The following HPD variants were observed in gnomAD, a reference collection of about 807,000 sequenced individuals.
HPD encodes 4-hydroxyphenylpyruvic acid oxidase.
HPD carries 35 observed loss-of-function variants against 56.9 expected under a neutral mutation model. The ratio of observed to expected loss-of-function variants is 0.62; its 90% CI spans 0.47 to 0.82. HPD has a LOEUF of 0.82. Among genes scored for constraint, HPD ranks in the 40% least tolerant of loss-of-function variants. HPD has a pLI of 0.00. For synonymous variants in HPD, 186 were observed against 200.2 expected (o/e 0.93, Z 0.60); for missense variants, 442 against 506.8 (o/e 0.87, Z 1.23).
At chr12:121,885,806 T>C in the HPD span, among the ~76,000 whole-genome samples, 1 of 150,230 alleles carries the variant, frequency 6.7e-6, no homozygotes, top group Admixed American at 6.6e-5. Context: ...CTACTAAAAA[T>C]ACAAAAAAAT....
At position 121,839,566 on chromosome 12, in the gene HPD, A is replaced by AG; in HGVS notation, c.*161dup. ...GCTTTAATCGGGAGGGCTGGAGCAG[A>AG]GGGCGGCCCCGCCGAGGGGCGTGGT... On this transcript the variant is annotated 3_prime_UTR_variant, in exon 14 of 14. Transcript: ENST00000289004. 1.5e-6 allele frequency: 1 copy of AG among 650,822 alleles called. No individual in the cohort carries two copies. Among genetic ancestry groups the AG allele is most frequent in the Non-Finnish European group, 2.8e-6 (1 of 362,238 alleles). 40.3% of individuals were successfully genotyped at this position (650,822 alleles called of 1,614,324 possible).
rs774034049 is a variant in HPD at position 121,849,010 on chromosome 12, G to A, written c.585C>T (p.Ser195=). 1.5e-5 allele frequency: 24 copies of A among 1,613,330 alleles called. No individual in the cohort carries two copies. The highest frequency in any genetic ancestry group is 4.5e-5 in the East Asian group (2 of 44,860). ...VGNQPDQEMV[S]ASEWYLKNLQ... The stretch of plus-strand genomic sequence containing the variant: ...GGCCAAGGTCTCACCATTCGGAGGC[G>A]GACACCATCTCCTGATCAGGCTGGT... The change falls in exon 9 of 14, where the codon TCC becomes TCT. Residue 195 remains serine, a synonymous_variant. Transcript: ENST00000289004.
the HPD span, among the ~76,000 whole-genome samples, chr12:121,872,076 CA>C: frequency 0.41 from 56,317 of 137,634 alleles, 11,497 homozygotes; most frequent in Middle Eastern, 0.46. Context: ...ACTAAAAATA[CA>C]AAAAAAAAAA....
the HPD span, among the ~76,000 whole-genome samples, chr12:121,870,595 GTTTT>G: frequency 3.2e-5 from 4 of 123,284 alleles, no homozygotes; most frequent in South Asian, 2.7e-4. Flanking sequence ...GCTATTGAAG[GTTTT>G]TTTTTTTTTT....
chr12:121,872,237 C>CAA, the HPD span, among the ~76,000 whole-genome samples: 199 of 124,992 alleles, frequency 1.6e-3, no homozygotes, highest in African/African-American at 5.5e-3. Flanking sequence ...AGACTCCTCT[C>CAA]AAAAAAAAAA....
rs1360232475 is a variant in HPD at position 121,847,131 on chromosome 12, A to G, written c.680T>C (p.Ile227Thr). ...GGACTCTTCATAGTTGGCCACCACA[A>G]TGGATCGCAGAGAGCTATATTCCGT... Reference protein sequence around the residue: ...VHTEYSSLRSIVVANYEESIK... With the variant: ...VHTEYSSLRSTVVANYEESIK... Residue 227 changes from isoleucine (I) to threonine (T), a missense_variant, in exon 10 of 14, where the codon ATT becomes ACT. Physicochemically the swap from Ile to Thr is moderately conservative, Grantham distance 89. Coordinates refer to ENST00000289004, the MANE Select transcript of HPD (RefSeq NM_002150.3). 5 of 1,614,134 alleles carry G rather than the reference A, an allele frequency of 3.1e-6. No individual in the cohort carries two copies. The South Asian group carries it at 3.3e-5, about 11-fold the overall frequency.
the HPD span, among the ~76,000 whole-genome samples, chr12:121,872,497 T>C: frequency 6.6e-6 from 1 of 151,924 alleles, no homozygotes; most frequent in Admixed American, 6.6e-5. Flanking sequence ...TCCCAAAGCA[T>C]TGGGATTGCA....
At chr12:121,859,832 T>C (rs2596144), upstream of HPD, among the ~76,000 whole-genome samples, 128,339 of 152,238 alleles carry the variant, frequency 0.84, 54,194 homozygotes, top group Middle Eastern at 0.9. Context: ...CCCAGTGTGC[T>C]CCCAGTGTCC....
intron 12 of HPD, among the ~76,000 whole-genome samples, chr12:121,841,380 A>C (rs559966772): frequency 1.1e-4 from 17 of 152,168 alleles, no homozygotes; most frequent in Non-Finnish European, 2.4e-4. Flanking sequence ...TAAACAAACA[A>C]AAGGGAACAT....
In HPD at chr12:121,840,015, CT is replaced by C; in HGVS notation, c.987del (p.Gly330AlafsTer126). On this transcript the variant is annotated frameshift_variant, in exon 13 of 14. Coordinates refer to ENST00000289004, the MANE Select transcript of HPD (RefSeq NM_002150.3). LOFTEE classifies it high-confidence loss of function. Reference protein sequence around the residue: ...ELKILVDYDEKGYLLQIFTKP... With the variant: ...ELKILVDYDEXGYLLQIFTKP... ...TTGGTGAAGATCTGCAGGAGGTAGC[CT>C]TTCTCGTCGTAGTCCACCAGGATTT... 6.2e-7 allele frequency: 1 copy of C among 1,613,750 alleles called. No individual in the cohort carries two copies. Among genetic ancestry groups the C allele is most frequent in the Non-Finnish European group, 8.5e-7 (1 of 1,179,846 alleles).
At chr12:121,872,170 C>A in the HPD span, among the ~76,000 whole-genome samples, 8 of 144,746 alleles carry the variant, frequency 5.5e-5, no homozygotes, top group African/African-American at 2.0e-4. Context: ...ACCTGGGAGG[C>A]GGAGGTTGCA....
At chr12:121,849,390 T>A (rs2137618989) in intron 8 of HPD, among the ~76,000 whole-genome samples, 1 of 152,124 alleles carries the variant, frequency 6.6e-6, no homozygotes, top group Non-Finnish European at 1.5e-5. Context: ...TCATTTACTA[T>A]TACAGTCCCC....
upstream of HPD, among the ~76,000 whole-genome samples, chr12:121,864,265 T>C (rs564927177): frequency 1.3e-5 from 2 of 148,486 alleles, no homozygotes; most frequent in East Asian, 4.1e-4. Context: ...AAAAATATCT[T>C]ATTAAAGCCA....
At chr12:121,856,526 C>A (rs1878004219) in intron 5 of HPD, 57 bp downstream of exon 5, 1 of 1,606,572 alleles carries the variant, frequency 6.2e-7, no homozygotes, top group Non-Finnish European at 8.5e-7. Flanking sequence ...CGTCCACCCT[C>A]CCAGAACCCA....
chr12:121,873,930 CTA>C, the HPD span, among the ~76,000 whole-genome samples: 1 of 152,204 alleles, frequency 6.6e-6, no homozygotes, highest in Non-Finnish European at 1.5e-5. Context: ...CTGCAGTGGG[CTA>C]TGATTTTGCC....
the HPD span, among the ~76,000 whole-genome samples, chr12:121,878,867 G>T: frequency 4.0e-5 from 6 of 151,440 alleles, no homozygotes; most frequent in Non-Finnish European, 5.9e-5. Context: ...AAAGATGGGG[G>T]TCTCACTATG....
chr12:121,857,296 G>C (rs1388104987), intron 4 of HPD, 32 bp downstream of exon 4: 3 of 1,385,464 alleles, frequency 2.2e-6, no homozygotes, highest in Non-Finnish European at 2.1e-6. Flanking sequence ...GCCAGGCAGG[G>C]GTTGGGGGCT....
At position 121,839,853 on chromosome 12, in the gene HPD, A is replaced by C; in HGVS notation, c.1072-15T>G. ...GCTCCAAAACCCTGTGGCGGGAAAG[A>C]GAGGAGATGAGCCAAGGACCCAGAA... is the stretch of plus-strand genomic sequence containing the variant. On this transcript the variant is annotated splice_polypyrimidine_tract_variant and intron_variant, in intron 13 of 13. Coordinates refer to ENST00000289004, the MANE Select transcript of HPD (RefSeq NM_002150.3). The C allele has an allele frequency of 6.2e-7, 1 of 1,612,814 alleles. No individual in the cohort carries two copies. The highest frequency in any genetic ancestry group is 2.2e-5 in the East Asian group (1 of 44,880).
At chr12:121,865,246 C>A (rs185614378), upstream of HPD, among the ~76,000 whole-genome samples, 1 of 139,456 alleles carries the variant, frequency 7.2e-6, no homozygotes, top group South Asian at 2.4e-4. Flanking sequence ...CTAACCTGGG[C>A]GACACAGCGA....
Sources: allele counts gnomAD v4.1 joint callset (sites outside exome capture counted in the v4.1 genomes callset), GRCh38; gene constraint gnomAD v4.1.1; transcripts MANE v1.5; gene names NCBI Gene and HGNC (gene_info 2026-07-23, HGNC 2026-07-21).